Variants in HCN1 observed in about 807,000 individuals in gnomAD.
HCN1 encodes the protein hyperpolarization activated cyclic nucleotide gated potassium channel 1, also known as potassium/sodium hyperpolarization-activated cyclic nucleotide-gated channel 1.
Under a neutral mutation model 78.9 loss-of-function variants are expected in HCN1, and 13 were observed. That is an observed-to-expected ratio of 0.16 (90% CI 0.11 to 0.26). The LOEUF (loss-of-function observed/expected upper bound fraction) is 0.26. Ranked by LOEUF, HCN1 falls within the 10% of genes least tolerant of loss-of-function variation. HCN1 has a pLI of 1.00. For synonymous variants in HCN1, 552 were observed against 455.5 expected, an observed-to-expected ratio of 1.21 and a Z score of -2.70; for missense variants, 810 against 1,154.3, an observed-to-expected ratio of 0.70 and a Z score of 4.32.
chr5:45,631,179 C>A (rs1193505162), intron 2 of HCN1, among the ~76,000 whole-genome samples: 1 of 152,184 alleles, frequency 6.6e-6, no homozygotes, highest in Non-Finnish European at 1.5e-5. Context: ...CTGTCTCCAT[C>A]TCTCAGCAAG....
intron 4 of HCN1, among the ~76,000 whole-genome samples, chr5:45,353,471 G>T (rs141478827): frequency 2.4e-3 from 364 of 152,064 alleles, no homozygotes; most frequent in African/African-American, 8.3e-3. Flanking sequence ...AAAGAACTAA[G>T]ATATCGTGGA....
chr5:45,418,682 C>G (rs1740166432), intron 3 of HCN1, among the ~76,000 whole-genome samples: 1 of 151,806 alleles, frequency 6.6e-6, no homozygotes, highest in Admixed American at 6.6e-5. Flanking sequence ...AAGATTAACA[C>G]AGATGTGGAA....
At chr5:45,571,244 A>G (rs1743827175) in intron 2 of HCN1, among the ~76,000 whole-genome samples, 1 of 152,160 alleles carries the variant, frequency 6.6e-6, no homozygotes, top group African/African-American at 2.4e-5. Flanking sequence ...GTAAATCCAG[A>G]TTAGTAAACA....
chr5:45,374,020 T>TATATATATAATATATATA (rs1747514163), intron 4 of HCN1, among the ~76,000 whole-genome samples: 1 of 81,188 alleles, frequency 1.2e-5, no homozygotes, highest in African/African-American at 6.6e-5. Context: ...TAATATATAT[T>TATATATATAATATATATA]ATATATATTA....
chr5:45,412,185 G>A (rs193018495), intron 3 of HCN1, among the ~76,000 whole-genome samples: 6 of 152,212 alleles, frequency 3.9e-5, no homozygotes, highest in Non-Finnish European at 7.4e-5. Flanking sequence ...TGTGACTCAT[G>A]CCAGATTTTC....
intron 4 of HCN1, among the ~76,000 whole-genome samples, chr5:45,382,734 A>C (rs1747834366): frequency 6.6e-6 from 1 of 152,162 alleles, no homozygotes; most frequent in African/African-American, 2.4e-5. Flanking sequence ...AAACAAGAAG[A>C]ATCAACAGGT....
At chr5:45,660,950 G>A (rs367780135) in intron 1 of HCN1, among the ~76,000 whole-genome samples, 1 of 48,834 alleles carries the variant, frequency 2.0e-5, no homozygotes. Context: ...TGCACCAAGC[G>A]GACCTAATAG....
chr5:45,410,952 G>A (rs1043881665), intron 3 of HCN1, among the ~76,000 whole-genome samples: 6 of 151,896 alleles, frequency 4.0e-5, no homozygotes, highest in African/African-American at 1.2e-4. Context: ...TAGACTCCTT[G>A]ATCTCACAGA....
chr5:45,289,334 T>G (rs1018145116), intron 6 of HCN1, among the ~76,000 whole-genome samples: 4 of 151,996 alleles, frequency 2.6e-5, no homozygotes, highest in African/African-American at 7.2e-5. Context: ...AGAATGAAAG[T>G]ATATTAAAAA....
chr5:45,494,691 T>C (rs1182623124), intron 2 of HCN1, among the ~76,000 whole-genome samples: 3 of 151,984 alleles, frequency 2.0e-5, no homozygotes, highest in Non-Finnish European at 4.4e-5. Flanking sequence ...ATGTCCTGAA[T>C]GGTAATGCCT....
chr5:45,664,533 T>G (rs1329146440), intron 1 of HCN1, among the ~76,000 whole-genome samples: 1 of 148,302 alleles, frequency 6.7e-6, no homozygotes, highest in East Asian at 2.0e-4. Flanking sequence ...GGGAGAAAAT[T>G]TTCACAACCT....
rs796223981 is a variant in HCN1, at chr5:45,494,597, GAGTTTAATT to G, written c.850-32599_850-32591del. Among the ~76,000 whole-genome samples the G allele has an allele frequency of 2.6e-4, 39 of 151,330 alleles. 1 individual carries two copies. In the Middle Eastern group the frequency reaches 0.01, roughly 40 times the overall value. ...TTTCTTTTGCTGTGCAGAAGCTCTT[GAGTTTAATT>G]AGATCCCATTTGTCAATTTTGGTTT... On this transcript the variant is annotated intron_variant, in intron 2 of 7. Transcript: ENST00000303230.
intron 5 of HCN1, among the ~76,000 whole-genome samples, chr5:45,317,930 T>C (rs991548410): frequency 6.6e-6 from 1 of 151,650 alleles, no homozygotes; most frequent in South Asian, 2.1e-4. Context: ...TGCTGGAGAG[T>C]ATGTGGAGAA....
chr5:45,485,224 A>T (rs903171925), intron 2 of HCN1, among the ~76,000 whole-genome samples: 7 of 152,196 alleles, frequency 4.6e-5, no homozygotes, highest in Non-Finnish European at 1.0e-4. Flanking sequence ...GTTTATTTCA[A>T]ATAAGTGACG....
intron 5 of HCN1, among the ~76,000 whole-genome samples, chr5:45,315,306 G>A (rs905000762): frequency 6.6e-6 from 1 of 152,194 alleles, no homozygotes; most frequent in South Asian, 2.1e-4. Context: ...ACCTGCTCCT[G>A]AATGACTACT....
At chr5:45,293,602 C>A (rs966961832) in intron 6 of HCN1, among the ~76,000 whole-genome samples, 2 of 152,002 alleles carry the variant, frequency 1.3e-5, no homozygotes, top group Non-Finnish European at 2.9e-5. Flanking sequence ...TAGGTTTCTC[C>A]TTCTTCCCCT....
rs1744744285 is a variant in HCN1, at chr5:45,261,928, T to C, written c.2666A>G (p.Asn889Ser). 1 of 1,614,096 alleles carries C rather than the reference T, an allele frequency of 6.2e-7. No homozygotes were observed. Among genetic ancestry groups the C allele is most frequent in the Non-Finnish European group, 8.5e-7 (1 of 1,179,998 alleles). The change falls in exon 8 of 8, where the codon AAT becomes AGT. Residue 889 changes from asparagine (N) to serine (S), a missense_variant. Around this residue, in one of 6 missense-constraint regions of HCN1, gnomAD observed 398 missense variants for 381.3 expected, o/e 1.04. Coordinates refer to ENST00000303230, the MANE Select transcript of HCN1 (RefSeq NM_021072.4). ...PDAEKPRFAS[N>S]L ...TTTGACAATCAGCAGGGATCATAAATTTGAAGCAAATCGTGGCTTTTCTGC... is the reference window on the plus strand; with the variant it reads ...TTTGACAATCAGCAGGGATCATAAACTTGAAGCAAATCGTGGCTTTTCTGC...
intron 2 of HCN1, among the ~76,000 whole-genome samples, chr5:45,483,115 G>T (rs1741689283): frequency 6.6e-6 from 1 of 152,120 alleles, no homozygotes; most frequent in South Asian, 2.1e-4. Context: ...TTTCTTTGGG[G>T]TATATACCCA....
At chr5:45,333,274 T>C (rs1468307666) in intron 5 of HCN1, among the ~76,000 whole-genome samples, 1 of 151,842 alleles carries the variant, frequency 6.6e-6, no homozygotes, top group Admixed American at 6.6e-5. Context: ...CCGTTTGCCA[T>C]TTGTATGTCT....
Sources: gnomAD v4.1 joint callset for allele counts (sites outside exome capture counted in the v4.1 genomes callset) on GRCh38, gnomAD v4.1.1 for gene constraint, gnomAD v4.1.1 regional missense constraint, MANE v1.5 for transcripts, NCBI Gene and HGNC (gene_info 2026-07-23, HGNC 2026-07-21) for gene names.